The following MYO9B variants were observed in gnomAD, a reference collection of about 807,000 sequenced individuals.
MYO9B encodes the protein unconventional myosin-IXb.
Under a neutral mutation model 229.5 loss-of-function variants are expected in MYO9B, and 71 were observed. The observed-to-expected ratio is 0.31, with a 90% CI of 0.26 to 0.38. The LOEUF is 0.38. Ranked by LOEUF, MYO9B falls within the 10% of genes least tolerant of loss-of-function variation. MYO9B has a pLI of 1.00. For synonymous variants in MYO9B, 1,185 were observed against 1,235.8 expected (o/e 0.96, Z 0.86); for missense variants, 2,255 against 2,920.5 (o/e 0.77, Z 5.25).
chr19:17,113,188 T>C (rs2057865321), intron 2 of MYO9B, among the ~76,000 whole-genome samples: 1 of 152,174 alleles, frequency 6.6e-6, no homozygotes. Flanking sequence ...CTGAGACCAC[T>C]TGTCACTTTG....
At chr19:17,198,029 T>C in intron 23 of MYO9B, 155 bp from the exon 24 acceptor site, 1 of 1,345,242 alleles carries the variant, frequency 7.4e-7, no homozygotes. Flanking sequence ...GCCACTGCAC[T>C]CCAGCCTGGG....
chr19:17,100,675 C>G (rs990473681), intron 1 of MYO9B, among the ~76,000 whole-genome samples: 8 of 152,084 alleles, frequency 5.3e-5, no homozygotes, highest in East Asian at 3.9e-4. Flanking sequence ...TGCCCGTGAC[C>G]TTGGCAGTCT....
rs201903372 is a variant in MYO9B, at chr19:17,156,977, G to A, written c.1268G>A (p.Arg423Gln). The change falls in exon 7 of 40, where the codon CGA becomes CAA. Residue 423 changes from arginine (R) to glutamine (Q), a missense_variant. Arg to Gln is a conservative substitution (Grantham distance 43). Transcript: ENST00000682292. ...NVTYKKRATG[R>Q]EEGLEVGPPE... ...ACTTATAAGAAGAGAGCTACAGGCCGAGAGGAAGGGTTGGAGGTCGGGCCA... is the reference window on the plus strand; with the variant it reads ...ACTTATAAGAAGAGAGCTACAGGCCAAGAGGAAGGGTTGGAGGTCGGGCCA... 94 of 1,613,774 alleles carry A rather than the reference G, an allele frequency of 5.8e-5. No homozygotes were observed. The highest frequency in any genetic ancestry group is 7.6e-5 in the Non-Finnish European group (90 of 1,179,876).
At position 17,210,810 on chromosome 19, in the gene MYO9B, G is replaced by C; in HGVS notation, c.5892G>C (p.Glu1964Asp). The C allele has an allele frequency of 6.3e-7, 1 of 1,597,544 alleles. No homozygotes were observed. Among genetic ancestry groups the C allele is most frequent in the Non-Finnish European group, 8.5e-7 (1 of 1,172,638 alleles). Residue 1964 changes from glutamate to aspartate, a missense_variant, in exon 38 of 40, where the codon GAG becomes GAC. Glu to Asp is a conservative substitution (Grantham distance 45). Around this residue, in one of 7 missense-constraint regions of MYO9B, gnomAD observed 331 missense variants for 332.5 expected, o/e 1.00. Transcript: ENST00000682292. ...AAGGDEDREK[E>D]ILIERIQSIK... ...GCGGCGATGAGGACCGGGAAAAGGA[G>C]ATTCTCATTGAACGGATCCAGTCCA...
Position 17,172,032 on chromosome 19 carries a change from A to G in MYO9B, c.1794-304A>G, listed in dbSNP as rs74523632. On this transcript the variant is annotated intron_variant, in intron 11 of 39. Coordinates refer to ENST00000682292, the MANE Select transcript of MYO9B (RefSeq NM_004145.4). This position sits in a 1 kb window ranked among gnomAD's most constrained non-coding sequence, Gnocchi z 8.2. ...TACCAGGCTGCAGCTATGCCAGCTG[A>G]CGCAGAGAGCAGAGTCCCAGCCCTC... is the stretch of plus-strand genomic sequence containing the variant. Among the ~76,000 whole-genome samples the G allele has an allele frequency of 0.043, 6,550 of 152,238 alleles. 306 individuals carry two copies. The highest frequency in any genetic ancestry group is 0.11 in the African/African-American group (4,771 of 41,532).
At chr19:17,125,978 G>C (rs1212729836) in intron 2 of MYO9B, among the ~76,000 whole-genome samples, 3 of 152,106 alleles carry the variant, frequency 2.0e-5, no homozygotes. Flanking sequence ...TTGGGCTTGG[G>C]GGTGTGGGGA....
chr19:17,104,691 G>A (rs1325755846), intron 2 of MYO9B, among the ~76,000 whole-genome samples: 2 of 151,704 alleles, frequency 1.3e-5, no homozygotes, highest in Admixed American at 1.3e-4. Context: ...CTCCCAAAAT[G>A]CTGGGATTAT....
intron 2 of MYO9B, among the ~76,000 whole-genome samples, chr19:17,141,387 C>T (rs978194409): frequency 2.0e-5 from 3 of 152,204 alleles, no homozygotes; most frequent in African/African-American, 7.2e-5. Flanking sequence ...AAACTTTCCA[C>T]GTGTGACTGC....
intron 4 of MYO9B, among the ~76,000 whole-genome samples, chr19:17,153,384 TA>T (rs79301576): frequency 2.9e-3 from 390 of 135,946 alleles, no homozygotes; most frequent in Admixed American, 3.5e-3. Flanking sequence ...TTGTCTCTTT[TA>T]AAAAAAAAAA....
chr19:17,186,065 C>T lies in MYO9B; in HGVS notation c.2577+64C>T, dbSNP rs1023773699. Reference sequence around the variant, plus strand: ...GCCGGACTCTTAGGGGTGTCGGTGTCCCTGCATCCAGCCCCAGCCTCCACG... The same window carrying T: ...GCCGGACTCTTAGGGGTGTCGGTGTTCCTGCATCCAGCCCCAGCCTCCACG... On this transcript the variant is annotated intron_variant, in intron 18 of 39. Coordinates refer to ENST00000682292, the MANE Select transcript of MYO9B (RefSeq NM_004145.4). 8.3e-6 allele frequency: 12 copies of T among 1,449,084 alleles called. No individual in the cohort carries two copies. The African/African-American group carries it at 1.4e-4, about 17-fold the overall frequency. 89.8% of individuals were successfully genotyped at this position (1,449,084 alleles called of 1,614,324 possible).
At chr19:17,141,563 A>G (rs2072340124) in intron 2 of MYO9B, among the ~76,000 whole-genome samples, 1 of 117,362 alleles carries the variant, frequency 8.5e-6, no homozygotes, top group Non-Finnish European at 1.7e-5. Context: ...GCCTCACCCC[A>G]TCTTCTTTTT....
chr19:17,143,425 C>T (rs1043507668), intron 2 of MYO9B, among the ~76,000 whole-genome samples: 1 of 152,170 alleles, frequency 6.6e-6, no homozygotes. Context: ...GAGGGAGGCC[C>T]AGGGCTCCAG....
intron 11 of MYO9B, among the ~76,000 whole-genome samples, chr19:17,170,239 G>T (rs901051714): frequency 4.0e-5 from 6 of 151,896 alleles, no homozygotes; most frequent in Non-Finnish European, 1.5e-5. Context: ...ATGGAACTAG[G>T]TCCCACGCTA....
chr19:17,144,605 A>G (rs958859092), intron 2 of MYO9B, among the ~76,000 whole-genome samples: 1 of 151,988 alleles, frequency 6.6e-6, no homozygotes, highest in African/African-American at 2.4e-5. Context: ...TCAAACAAAA[A>G]AAAAAAGAGT....
intron 2 of MYO9B, among the ~76,000 whole-genome samples, chr19:17,118,383 C>G (rs920018305): frequency 3.9e-5 from 6 of 151,908 alleles, no homozygotes; most frequent in African/African-American, 1.5e-4. Flanking sequence ...AGGAGGATAG[C>G]TTGAGCATAG....
intron 11 of MYO9B, among the ~76,000 whole-genome samples, chr19:17,169,255 C>A (rs917418672): frequency 2.6e-5 from 4 of 151,666 alleles, no homozygotes; most frequent in African/African-American, 9.7e-5. Context: ...GCCTGTAATC[C>A]CAGCTACTCA....
intron 4 of MYO9B, 159 bp downstream of exon 4, chr19:17,152,865 C>A: frequency 1.6e-6 from 1 of 623,162 alleles, no homozygotes; most frequent in Non-Finnish European, 2.8e-6. Flanking sequence ...CATCTTCTCC[C>A]CAGACCTGCC....
Position 17,175,578 on chromosome 19 carries a change from CAAAT to C in MYO9B, c.2141-73_2141-70del, listed in dbSNP as rs952114446. ...TGGGTGACAGAGCAAGACTCCATCT[CAAAT>C]AAATAAATAAAATGGGTTAAAATAA... On this transcript the variant is annotated intron_variant, in intron 13 of 39. Transcript: ENST00000682292. 118 of 1,130,698 alleles carry C rather than the reference CAAAT, an allele frequency of 1.0e-4. 2 individuals carry two copies. Among genetic ancestry groups the C allele is most frequent in the African/African-American group, 6.4e-4 (40 of 62,034 alleles). 70.0% of individuals were successfully genotyped at this position (1,130,698 alleles called of 1,614,324 possible).
At chr19:17,143,249 A>G (rs1568271534) in intron 2 of MYO9B, among the ~76,000 whole-genome samples, 1 of 148,316 alleles carries the variant, frequency 6.7e-6, no homozygotes, top group Non-Finnish European at 1.5e-5. Flanking sequence ...AAAAAAAAAC[A>G]AACAAACTTG....
Sources: allele counts gnomAD v4.1 joint callset (sites outside exome capture counted in the v4.1 genomes callset), GRCh38; gene constraint gnomAD v4.1.1; regional missense constraint gnomAD v4.1.1; non-coding constraint Gnocchi (gnomAD v3.1); transcripts MANE v1.5; gene names NCBI Gene and HGNC (gene_info 2026-07-23, HGNC 2026-07-21).